Variants in MACC1 observed in about 807,000 individuals in gnomAD.
MACC1 encodes the protein metastasis-associated in colon cancer protein 1.
In MACC1, 79 loss-of-function variants were observed where a neutral mutation model predicts 70.7. The observed-to-expected ratio is 1.12, with a 90% CI of 0.93 to 1.35. MACC1 has a LOEUF of 1.35. Among genes scored for constraint, MACC1 ranks in the 40% most tolerant of loss-of-function variants. The pLI is 0.00. For synonymous variants in MACC1, 361 were observed against 347.2 expected, an observed-to-expected ratio of 1.04 and a Z score of -0.44; for missense variants, 1,106 against 978.1, an observed-to-expected ratio of 1.13 and a Z score of -1.74.
chr7:20,177,735 T>C (rs1319650397), intron 1 of MACC1, among the ~76,000 whole-genome samples: 1 of 151,430 alleles, frequency 6.6e-6, no homozygotes, highest in African/African-American at 2.4e-5. Flanking sequence ...TTTTTTTTTT[T>C]TGGTATTATA....
intron 1 of MACC1, among the ~76,000 whole-genome samples, chr7:20,174,496 A>C (rs917040398): frequency 6.6e-5 from 10 of 152,188 alleles, no homozygotes; most frequent in African/African-American, 2.4e-4. Context: ...TATGGGCAAA[A>C]GCAAGGTATA....
At chr7:20,181,202 C>A (rs994099495) in intron 1 of MACC1, among the ~76,000 whole-genome samples, 1 of 151,784 alleles carries the variant, frequency 6.6e-6, no homozygotes, top group African/African-American at 2.4e-5. Flanking sequence ...CTAAAACTGA[C>A]CTGGACAATT....
In MACC1 at chr7:20,146,590, G is replaced by T. The variant is rs187442587; in HGVS notation, c.2347-5432C>A. Among the ~76,000 whole-genome samples the T allele has an allele frequency of 7.2e-5, 11 of 152,284 alleles. No individual in the cohort carries two copies. In the East Asian group the frequency reaches 1.9e-3, roughly 27 times the overall value. ...CGGACTGACTAACATTTAATCCTCC[G>T]AAGGCTAGAAAGGAGTTGCAGACAG... On this transcript the variant is annotated intron_variant, in intron 6 of 6. Transcript: ENST00000400331.
At chr7:20,150,503 G>C (rs1404521869) in intron 6 of MACC1, 3 of 152,176 alleles carry the variant, frequency 2.0e-5, no homozygotes, top group Non-Finnish European at 2.9e-5. Flanking sequence ...GTGAATAGAA[G>C]ATACAAAGGA....
At chr7:20,148,150 C>T (rs945108967) in intron 6 of MACC1, among the ~76,000 whole-genome samples, 1 of 149,894 alleles carries the variant, frequency 6.7e-6, no homozygotes, top group Non-Finnish European at 1.5e-5. Context: ...TAGGCCCTTG[C>T]TTTCCCCTTC....
chr7:20,167,712 G>T (rs930784803), intron 2 of MACC1, among the ~76,000 whole-genome samples: 1 of 151,926 alleles, frequency 6.6e-6, no homozygotes, highest in African/African-American at 2.4e-5. Flanking sequence ...CCCTGTTGCT[G>T]GAGAGTAGTA....
At chr7:20,153,810 A>G (rs893110327) in intron 6 of MACC1, among the ~76,000 whole-genome samples, 9 of 152,144 alleles carry the variant, frequency 5.9e-5, no homozygotes, top group Non-Finnish European at 1.3e-4. Flanking sequence ...CCTGAGGCCG[A>G]TAAGTACATA....
At chr7:20,182,202 G>T in intron 1 of MACC1, among the ~76,000 whole-genome samples, 1 of 114,264 alleles carries the variant, frequency 8.8e-6, no homozygotes. Context: ...GGGGTGGGGG[G>T]AGGGTGGAGG....
rs777347627 is a variant in MACC1, at chr7:20,159,580, G to C, written c.781C>G (p.Leu261Val). The part of the protein sequence containing the change: ...LRAFLDPPHM[L>V]NHDLSCTVSP... ...ACAGTGCACGAAAGATCATGGTTAAGCATGTGTGGCGGATCAAGGAAAGCC... is the reference window on the plus strand; with the variant it reads ...ACAGTGCACGAAAGATCATGGTTAACCATGTGTGGCGGATCAAGGAAAGCC... Residue 261 changes from leucine to valine, a missense_variant, in exon 5 of 7, where the codon CTT (leucine) becomes GTT (valine). Physicochemically the swap from Leu to Val is conservative, Grantham distance 32. Transcript: ENST00000400331. 6.2e-6 allele frequency: 10 copies of C among 1,614,024 alleles called. No homozygotes were observed. Among genetic ancestry groups the C allele is most frequent in the Non-Finnish European group, 8.5e-6 (10 of 1,180,036 alleles).
At chr7:20,171,021 T>A (rs1782296684) in intron 1 of MACC1, among the ~76,000 whole-genome samples, 1 of 152,230 alleles carries the variant, frequency 6.6e-6, no homozygotes, top group South Asian at 2.1e-4. Flanking sequence ...CCATTTGTTA[T>A]TTTTGTAAAC....
chr7:20,209,001 C>T (rs1782955464), intron 1 of MACC1, among the ~76,000 whole-genome samples: 1 of 152,174 alleles, frequency 6.6e-6, no homozygotes, highest in African/African-American at 2.4e-5. Context: ...TGGTGTTGAG[C>T]CTGCAGGTGG....
At chr7:20,171,326 A>G (rs912811207) in intron 1 of MACC1, among the ~76,000 whole-genome samples, 8 of 147,206 alleles carry the variant, frequency 5.4e-5, no homozygotes, top group Non-Finnish European at 1.0e-4. Context: ...ATCTTGGCTC[A>G]CTGCAAGCTC....
intron 1 of MACC1, among the ~76,000 whole-genome samples, chr7:20,211,796 C>T (rs888176924): frequency 2.6e-5 from 4 of 152,024 alleles, no homozygotes; most frequent in Non-Finnish European, 4.4e-5. Context: ...CATTTGGACA[C>T]AAATAGGAAT....
chr7:20,190,691 G>T (rs1482248877), intron 1 of MACC1, among the ~76,000 whole-genome samples: 1 of 152,118 alleles, frequency 6.6e-6, no homozygotes, highest in African/African-American at 2.4e-5. Flanking sequence ...AAAATGGAAA[G>T]GTTTTCATCA....
chr7:20,159,764 A>C lies in MACC1; in HGVS notation c.597T>G (p.Ser199Arg). 1 of 1,614,042 alleles carries C rather than the reference A, an allele frequency of 6.2e-7. No individual in the cohort carries two copies. The highest frequency in any genetic ancestry group is 8.5e-7 in the Non-Finnish European group (1 of 1,179,992). ...ARSCLDLNTISQSPGWAQTQL... is the reference protein window; with the variant it reads ...ARSCLDLNTIRQSPGWAQTQL... ...GTGTCTGGGCCCATCCAGGGCTCTGACTAATTGTATTCAAATCAAGGCAGG... is the reference window on the plus strand; with the variant it reads ...GTGTCTGGGCCCATCCAGGGCTCTGCCTAATTGTATTCAAATCAAGGCAGG... The change falls in exon 5 of 7, where the codon AGT becomes AGG. Residue 199 changes from serine to arginine, a missense_variant. By Grantham distance (110) the Ser-to-Arg change is moderately radical. Transcript: ENST00000400331.
intron 2 of MACC1, among the ~76,000 whole-genome samples, chr7:20,166,259 G>A (rs1285042377): frequency 6.6e-6 from 1 of 152,174 alleles, no homozygotes; most frequent in African/African-American, 2.4e-5. Context: ...GGTGACAGGA[G>A]AGCAACTGTT....
chr7:20,203,435 G>A (rs1324784570), intron 1 of MACC1, among the ~76,000 whole-genome samples: 1 of 152,184 alleles, frequency 6.6e-6, no homozygotes, highest in African/African-American at 2.4e-5. Context: ...GTGTGTGCGT[G>A]CATACATGCA....
intron 1 of MACC1, among the ~76,000 whole-genome samples, chr7:20,213,233 T>C (rs533297144): frequency 6.6e-6 from 1 of 152,334 alleles, no homozygotes; most frequent in Admixed American, 6.5e-5. Context: ...AGATATCATC[T>C]AACACCAGTC....
intron 1 of MACC1, among the ~76,000 whole-genome samples, chr7:20,213,605 C>G (rs1312288910): frequency 6.6e-6 from 1 of 152,044 alleles, no homozygotes; most frequent in Non-Finnish European, 1.5e-5. Flanking sequence ...TAAAAAAGAA[C>G]AAGATCATGT....
Sources: gnomAD v4.1 joint callset for allele counts (sites outside exome capture counted in the v4.1 genomes callset) on GRCh38, gnomAD v4.1.1 for gene constraint, MANE v1.5 for transcripts, NCBI Gene and HGNC (gene_info 2026-07-23, HGNC 2026-07-21) for gene names.